Variants in ITPR2 observed in about 807,000 individuals in gnomAD.
The protein encoded by ITPR2 is inositol 1,4,5-trisphosphate receptor type 2, also known as inositol 1,4,5-trisphosphate-gated calcium channel ITPR2.
ITPR2 carries 207 observed loss-of-function variants against 317.1 expected under a neutral mutation model. The ratio of observed to expected loss-of-function variants is 0.65; its 90% CI spans 0.58 to 0.73. The LOEUF (loss-of-function observed/expected upper bound fraction) is 0.73. ITPR2 is among the 30% of genes least tolerant of loss of function. The pLI is 0.00. For missense variants in ITPR2, 2,613 were observed against 3,284.0 expected (o/e 0.80, Z 4.99); for synonymous variants, 1,156 against 1,149.1 (o/e 1.01, Z -0.12).
intron 11 of ITPR2, among the ~76,000 whole-genome samples, chr12:26,683,998 G>A (rs1235666034): frequency 6.6e-6 from 1 of 152,148 alleles, no homozygotes; most frequent in African/African-American, 2.4e-5. Context: ...AAAATGCCAA[G>A]GGACTCAGGC....
At chr12:26,702,703 G>A (rs1268998873) in intron 9 of ITPR2, among the ~76,000 whole-genome samples, 1 of 152,140 alleles carries the variant, frequency 6.6e-6, no homozygotes, top group Non-Finnish European at 1.5e-5. Context: ...GCCTCCCAAA[G>A]TGCTGGGATT....
chr12:26,768,571 TAAA>T (rs879291062), intron 2 of ITPR2, among the ~76,000 whole-genome samples: 2 of 96,188 alleles, frequency 2.1e-5, no homozygotes, highest in Admixed American at 1.2e-4. Flanking sequence ...CAAATATATA[TAAA>T]AAAAAAAAAA....
At chr12:26,479,096 C>A (rs1942485646) in intron 43 of ITPR2, among the ~76,000 whole-genome samples, 1 of 148,558 alleles carries the variant, frequency 6.7e-6, no homozygotes, top group Non-Finnish European at 1.5e-5. Flanking sequence ...CCAATGTGTA[C>A]AAACCCTCAA....
At chr12:26,502,622 G>GT (rs1943094884) in intron 37 of ITPR2, among the ~76,000 whole-genome samples, 1 of 152,196 alleles carries the variant, frequency 6.6e-6, no homozygotes, top group Non-Finnish European at 1.5e-5. Context: ...ACTTCAAGAG[G>GT]TAATTTCAAA....
intron 47 of ITPR2, among the ~76,000 whole-genome samples, chr12:26,437,194 C>T (rs1172593849): frequency 6.6e-6 from 1 of 152,188 alleles, no homozygotes; most frequent in African/African-American, 2.4e-5. Flanking sequence ...CACATGGCTC[C>T]TATAGGCCTT....
Position 26,398,057 on chromosome 12 carries a change from GGTGTGTGT to G in ITPR2, c.7696+811_7696+818del, listed in dbSNP as rs35660888. 7.2e-3 allele frequency among the ~76,000 whole-genome samples: 972 copies of G among 135,062 alleles called. 4 individuals carry two copies. Among genetic ancestry groups the G allele is most frequent in the Non-Finnish European group, 0.01 (641 of 63,390 alleles). The allele number at this position is 135,062 out of a possible 152,430, so 88.6% of individuals were successfully genotyped here. ...GATGACAGGAGAAGGGGAGGGGAGT[GGTGTGTGT>G]GTGTGTGTGTGTGTGTGTGTGTGTG... On this transcript the variant is annotated intron_variant, in intron 54 of 56. Coordinates refer to ENST00000381340, the MANE Select transcript of ITPR2 (RefSeq NM_002223.4).
chr12:26,751,366 A>G (rs78492963), intron 2 of ITPR2, among the ~76,000 whole-genome samples: 2,093 of 152,268 alleles, frequency 0.014, 23 homozygotes, highest in Non-Finnish European at 0.023. Context: ...TTGAAAGGTC[A>G]TTGTCCTAGA....
chr12:26,519,229 A>T (rs1299677192), intron 37 of ITPR2, among the ~76,000 whole-genome samples: 5 of 152,176 alleles, frequency 3.3e-5, no homozygotes, highest in Non-Finnish European at 2.9e-5. Context: ...AATAAAACCT[A>T]CAATATTTTT....
In ITPR2 at chr12:26,529,809, T is replaced by C. The variant is rs182589962; in HGVS notation, c.5073+20438A>G. ...TGAAGATTCAATACATGATGGCTAG[T>C]CCATTTTTCATCACAGCACACTGTG... On this transcript the variant is annotated intron_variant, in intron 37 of 56. Coordinates refer to ENST00000381340, the MANE Select transcript of ITPR2 (RefSeq NM_002223.4). Among the ~76,000 whole-genome samples, 29 of 152,278 alleles carry C rather than the reference T, an allele frequency of 1.9e-4. No homozygotes were observed. In the East Asian group the frequency reaches 5.0e-3, roughly 26 times the overall value.
At chr12:26,443,849 G>A (rs1386674293) in intron 45 of ITPR2, among the ~76,000 whole-genome samples, 199 bp from the exon 46 acceptor site, 1 of 152,096 alleles carries the variant, frequency 6.6e-6, no homozygotes, top group Admixed American at 6.5e-5. Context: ...AATATTTGTT[G>A]ATTAAATTTA....
chr12:26,557,037 C>A (rs1163581598), intron 35 of ITPR2, among the ~76,000 whole-genome samples: 2 of 151,982 alleles, frequency 1.3e-5, no homozygotes, highest in Non-Finnish European at 2.9e-5. Context: ...CAATATAGCA[C>A]CATTGCACTC....
intron 39 of ITPR2, among the ~76,000 whole-genome samples, chr12:26,490,053 A>C (rs1420591489): frequency 2.0e-5 from 3 of 152,230 alleles, no homozygotes; most frequent in Admixed American, 1.3e-4. Context: ...CCTTATTGTC[A>C]TAATCCATCT....
chr12:26,642,987 G>C (rs763693383), intron 21 of ITPR2, among the ~76,000 whole-genome samples: 4 of 152,180 alleles, frequency 2.6e-5, no homozygotes, highest in Non-Finnish European at 5.9e-5. Flanking sequence ...CTCTCCCAAG[G>C]TGATGGTGTT....
At chr12:26,428,381 C>T (rs1476733206) in intron 48 of ITPR2, among the ~76,000 whole-genome samples, 6 of 152,028 alleles carry the variant, frequency 3.9e-5, no homozygotes, top group African/African-American at 1.4e-4. Context: ...GGGTGATTTG[C>T]TAAATACTTT....
At chr12:26,767,449 A>G (rs1949742203) in intron 2 of ITPR2, among the ~76,000 whole-genome samples, 1 of 152,226 alleles carries the variant, frequency 6.6e-6, no homozygotes. Context: ...TGTATGTGTG[A>G]AAAACTTGGA....
rs2136851371 is a variant in ITPR2 at position 26,487,116 on chromosome 12, T to C, written c.5506A>G (p.Lys1836Glu). The change falls in exon 40 of 57, where the codon AAA (lysine) becomes GAA (glutamate). Residue 1836 changes from lysine to glutamate, a missense_variant. Physicochemically the swap from Lys to Glu is moderately conservative, Grantham distance 56. This residue lies in a region of ITPR2 where 926 missense variants were observed against 1,072.8 expected (regional missense o/e 0.86). Coordinates refer to ENST00000381340, the MANE Select transcript of ITPR2 (RefSeq NM_002223.4). ...ATCAATTCATTGTCATCGTCCCTTT[T>C]TTTGTTACCTAAATCTATGGTATTA... ...TVNTIDLGNK[K>E]RDDDNELMTS... The C allele has an allele frequency of 6.2e-7, 1 of 1,612,798 alleles. No homozygotes were observed. Among genetic ancestry groups the C allele is most frequent in the South Asian group, 1.1e-5 (1 of 90,860 alleles).
intron 48 of ITPR2, among the ~76,000 whole-genome samples, chr12:26,428,733 T>C (rs1941131416): frequency 1.3e-5 from 2 of 152,230 alleles, no homozygotes; most frequent in Non-Finnish European, 2.9e-5. Flanking sequence ...ACACATAAGA[T>C]TTCTTAGGAA....
intron 55 of ITPR2, among the ~76,000 whole-genome samples, chr12:26,350,031 G>A (rs1011241006): frequency 6.6e-6 from 1 of 152,154 alleles, no homozygotes; most frequent in Admixed American, 6.5e-5. Context: ...ATGGGAGGGG[G>A]TGTGACCCAT....
intron 26 of ITPR2, among the ~76,000 whole-genome samples, chr12:26,611,461 TAGAG>T (rs1417219105): frequency 6.6e-6 from 1 of 151,906 alleles, no homozygotes; most frequent in East Asian, 1.9e-4. Context: ...AAAAACTAGA[TAGAG>T]AGTTTAAGCA....
Sources: allele counts gnomAD v4.1 joint callset (sites outside exome capture counted in the v4.1 genomes callset), GRCh38; gene constraint gnomAD v4.1.1; regional missense constraint gnomAD v4.1.1; transcripts MANE v1.5; gene names NCBI Gene and HGNC (gene_info 2026-07-23, HGNC 2026-07-21).